Variants in ATRX observed in about 807,000 individuals in gnomAD.
ATRX encodes ATRX chromatin remodeler, also known as chromatin remodeler ATRX.
A neutral mutation model predicts 172.6 loss-of-function variants in ATRX; 12 were observed. The observed-to-expected ratio is 0.07, with a 90% confidence interval of 0.04 to 0.11. The LOEUF (loss-of-function observed/expected upper bound fraction) is 0.11, where lower values mean the gene tolerates loss of function less well. Among genes scored for constraint, ATRX ranks in the 10% least tolerant of loss-of-function variants. ATRX has a pLI of 1.00. For missense variants in ATRX, 1,368 were observed against 1,767.4 expected (o/e 0.77, Z 4.05); for synonymous variants, 674 against 594.7 (o/e 1.13, Z -1.94).
chrX:77,735,734 G>A (rs1446483928), intron 1 of ATRX, among the ~76,000 whole-genome samples: 2 of 96,569 alleles, frequency 2.1e-5, no homozygotes, highest in South Asian at 1.0e-3. Flanking sequence ...CCCGGGAGGC[G>A]GAGCTTGCAG....
chrX:77,767,905 T>C (rs182411332), intron 1 of ATRX, among the ~76,000 whole-genome samples: 1 of 111,673 alleles, frequency 9.0e-6, no homozygotes, highest in Non-Finnish European at 1.9e-5. Flanking sequence ...CCTGATACGA[T>C]TGTTATATAA....
intron 1 of ATRX, among the ~76,000 whole-genome samples, chrX:77,742,723 C>T (rs2074925385): frequency 9.0e-6 from 1 of 111,432 alleles, no homozygotes; most frequent in Admixed American, 9.6e-5. Context: ...AAGTGATTCC[C>T]CAATATGGGA....
At chrX:77,560,494 T>C (rs2064978622) in intron 28 of ATRX, among the ~76,000 whole-genome samples, 1 of 111,383 alleles carries the variant, frequency 9.0e-6, no homozygotes, top group Admixed American at 9.6e-5. Context: ...CAGTAATTTA[T>C]TTAATAATTT....
chrX:77,726,956 C>T (rs2148796533), intron 1 of ATRX, among the ~76,000 whole-genome samples: 1 of 110,178 alleles, frequency 9.1e-6, no homozygotes, highest in East Asian at 2.8e-4. Context: ...GGCTAATATC[C>T]AGAATCTACA....
At chrX:77,513,189 C>T (rs782237982) in intron 34 of ATRX, among the ~76,000 whole-genome samples, 98 of 107,447 alleles carry the variant, frequency 9.1e-4, no homozygotes, top group Admixed American at 5.7e-3. Context: ...TGGTGGCGGG[C>T]ACCTGTAGTC....
intron 10 of ATRX, among the ~76,000 whole-genome samples, chrX:77,670,174 T>C (rs1205693518): frequency 1.8e-5 from 2 of 111,965 alleles, no homozygotes; most frequent in African/African-American, 6.5e-5. Flanking sequence ...AAGGCCAAAA[T>C]ACTGGGCATC....
intron 34 of ATRX, among the ~76,000 whole-genome samples, 182 bp from the exon 35 acceptor site, chrX:77,508,811 A>G (rs1387784724): frequency 7.1e-5 from 8 of 112,329 alleles, no homozygotes; most frequent in Admixed American, 3.8e-4. Flanking sequence ...AGTTAGTAAG[A>G]TCATTTAGGG....
intron 27 of ATRX, among the ~76,000 whole-genome samples, chrX:77,585,581 ACC>A (rs2065979750): frequency 1.8e-5 from 1 of 55,012 alleles, no homozygotes; most frequent in Non-Finnish European, 3.0e-5. Flanking sequence ...GTCTCCCCCC[ACC>A]AAAAAAAAAA....
intron 30 of ATRX, among the ~76,000 whole-genome samples, chrX:77,540,025 A>C (rs1393171335): frequency 8.9e-6 from 1 of 111,746 alleles, no homozygotes; most frequent in African/African-American, 3.3e-5. Flanking sequence ...AGACTGGCAA[A>C]TTGGATAGAA....
chrX:77,633,888 T>A, intron 17 of ATRX, 176 bp from the exon 18 acceptor site: 2 of 456,095 alleles, frequency 4.4e-6, no homozygotes, highest in Non-Finnish European at 7.6e-6. Flanking sequence ...CTAGATGATG[T>A]ATCAGGCTCT....
At chrX:77,779,368 A>G (rs1451260612) in intron 1 of ATRX, among the ~76,000 whole-genome samples, 1 of 110,445 alleles carries the variant, frequency 9.1e-6, no homozygotes, top group Non-Finnish European at 1.9e-5. Context: ...CACCAAAACT[A>G]ATCGTGTACA....
chrX:77,694,362 T>G (rs1557148616), intron 5 of ATRX, among the ~76,000 whole-genome samples: 2 of 111,561 alleles, frequency 1.8e-5, no homozygotes, highest in Non-Finnish European at 1.9e-5. Flanking sequence ...ATCCAAATCA[T>G]AAACTCAGAA....
intron 26 of ATRX, among the ~76,000 whole-genome samples, chrX:77,592,686 C>A (rs1350998867): frequency 9.2e-6 from 1 of 108,385 alleles, no homozygotes; most frequent in Non-Finnish European, 1.9e-5. Flanking sequence ...GTGGTGCGTG[C>A]CTGGAATCCC....
intron 19 of ATRX, among the ~76,000 whole-genome samples, chrX:77,627,169 C>CTCGCAGTGAGCCGAGA (rs782732351): frequency 1.3e-3 from 147 of 110,861 alleles, no homozygotes; most frequent in Non-Finnish European, 2.4e-3. Context: ...GGAGGCGGAG[C>CTCGCAGTGAGCCGAGA]TCGCAGTGAG....
intron 30 of ATRX, among the ~76,000 whole-genome samples, chrX:77,530,798 A>T: frequency 8.9e-6 from 1 of 111,774 alleles, no homozygotes; most frequent in African/African-American, 3.2e-5. Context: ...CCTAAGAAAA[A>T]AAAAATAACA....
At chrX:77,649,604 G>A (rs1557115717) in intron 15 of ATRX, among the ~76,000 whole-genome samples, 1 of 111,796 alleles carries the variant, frequency 8.9e-6, no homozygotes, top group African/African-American at 3.3e-5. Flanking sequence ...CCCACATGTT[G>A]TGGGACGGAC....
chrX:77,641,339 A>G (rs1277851012), intron 15 of ATRX, among the ~76,000 whole-genome samples: 5 of 111,000 alleles, frequency 4.5e-5, no homozygotes, highest in African/African-American at 9.8e-5. Context: ...GCACTTTGGG[A>G]GGCAGAGGTA....
chrX:77,510,350 G>A (rs1557036032), intron 34 of ATRX, among the ~76,000 whole-genome samples: 1 of 109,539 alleles, frequency 9.1e-6, no homozygotes, highest in Non-Finnish European at 1.9e-5. Flanking sequence ...CTTCAGGTGT[G>A]ACATAGCACA....
Position 77,682,051 on chromosome X carries a change from C to A in ATRX, c.3205G>T (p.Gly1069Trp). Residue 1069 changes from glycine to tryptophan, a missense_variant, in exon 9 of 35, where the codon GGG (glycine) becomes TGG (tryptophan). By Grantham distance (184) the Gly-to-Trp change is radical (BLOSUM62 -2). Coordinates refer to ENST00000373344, the MANE Select transcript of ATRX (RefSeq NM_000489.6). Reference sequence around the variant, plus strand: ...GAAGAGTCACAACTATCTCCTTTCCCTGTTGACTTCTCAGCATAATCAGAT... The same window carrying A: ...GAAGAGTCACAACTATCTCCTTTCCATGTTGACTTCTCAGCATAATCAGAT... ...ELSDYAEKSTGKGDSCDSSED... is the reference protein window; with the variant it reads ...ELSDYAEKSTWKGDSCDSSED... The A allele has an allele frequency of 5.8e-6, 7 of 1,210,962 alleles. No homozygotes were observed. Among genetic ancestry groups the A allele is most frequent in the Non-Finnish European group, 7.8e-6 (7 of 894,915 alleles).
Sources: gnomAD v4.1 joint callset for allele counts (sites outside exome capture counted in the v4.1 genomes callset) on GRCh38, gnomAD v4.1.1 for gene constraint, MANE v1.5 for transcripts, NCBI Gene and HGNC (gene_info 2026-07-23, HGNC 2026-07-21) for gene names.